Variants in NOX3 observed in about 807,000 individuals in gnomAD.
NOX3 encodes the protein NADPH oxidase 3, also known as NADPH oxidase catalytic subunit-like 3.
Under a neutral mutation model 76.7 loss-of-function variants are expected in NOX3, and 74 were observed. The observed-to-expected ratio is 0.96, with a 90% CI of 0.80 to 1.17. The LOEUF (loss-of-function observed/expected upper bound fraction) is 1.17, where lower values mean the gene tolerates loss of function less well. Ranked by LOEUF, NOX3 falls within the 50% of genes most tolerant of loss-of-function variation. The pLI is 0.00. For missense variants in NOX3, 695 were observed against 703.3 expected, an observed-to-expected ratio of 0.99 and a Z score of 0.13; for synonymous variants, 263 against 261.1, an observed-to-expected ratio of 1.01 and a Z score of -0.07.
At chr6:155,415,690 A>G (rs1042142454) in intron 10 of NOX3, among the ~76,000 whole-genome samples, 2 of 152,238 alleles carry the variant, frequency 1.3e-5, no homozygotes, top group African/African-American at 4.8e-5. Flanking sequence ...AAAGTTATTT[A>G]ACTCCAACCT....
Position 155,443,119 on chromosome 6 carries a change from AC to A in NOX3, c.486+153del, listed in dbSNP as rs527480813. On this transcript the variant is annotated intron_variant, in intron 5 of 13. Coordinates refer to ENST00000159060, the MANE Select transcript of NOX3 (RefSeq NM_015718.3). ...CAGCAACATTAATGAGAAAAAAATA[AC>A]TTTTTAGAAAATGTGAAATTGAAAA... 5.9e-5 allele frequency among the ~76,000 whole-genome samples: 9 copies of A among 152,340 alleles called. No individual in the cohort carries two copies. In the South Asian group the frequency reaches 1.9e-3, roughly 32 times the overall value.
Position 155,422,692 on chromosome 6 carries a change from A to T in NOX3, c.1308+2T>A, listed in dbSNP as rs746135195. ...AAGGGTGAACTAATGATTTTTCCGT[A>T]CCTTGCTCAGCTTCAGTGGGGTCTG... On this transcript the variant is annotated splice_donor_variant, in intron 10 of 13. Transcript: ENST00000159060. LOFTEE classifies it high-confidence loss of function. The T allele has an allele frequency of 1.9e-6, 3 of 1,613,666 alleles. No homozygotes were observed. The East Asian group carries it at 6.7e-5, about 36-fold the overall frequency.
chr6:155,442,021 T>C (rs1218210296), intron 5 of NOX3, among the ~76,000 whole-genome samples: 8 of 152,122 alleles, frequency 5.3e-5, no homozygotes, highest in Non-Finnish European at 1.2e-4. Context: ...TCCCAGCACT[T>C]TGGGAGGCCG....
intron 7 of NOX3, among the ~76,000 whole-genome samples, chr6:155,435,288 T>C (rs896461663): frequency 2.0e-5 from 3 of 152,134 alleles, no homozygotes; most frequent in African/African-American, 7.2e-5. Flanking sequence ...GGGGGAGTAT[T>C]GATTTTTTTA....
chr6:155,417,858 T>G (rs2294678), intron 10 of NOX3, among the ~76,000 whole-genome samples: 16,212 of 152,092 alleles, frequency 0.11, 1,873 homozygotes, highest in East Asian at 0.25. Context: ...TTATTTGAAT[T>G]ATCTGTTTAT....
At chr6:155,428,148 G>T (rs1451933713) in intron 9 of NOX3, among the ~76,000 whole-genome samples, 1 of 152,208 alleles carries the variant, frequency 6.6e-6, no homozygotes, top group Non-Finnish European at 1.5e-5. Context: ...TGATCCGCCC[G>T]CCTTGGCTTC....
intron 3 of NOX3, 41 bp downstream of exon 3, chr6:155,454,770 G>A: frequency 2.6e-6 from 3 of 1,171,776 alleles, no homozygotes; most frequent in Non-Finnish European, 3.7e-6. Context: ...ATATGAGGAA[G>A]TCGTAACAGT....
chr6:155,396,746 A>T, intron 13 of NOX3, 63 bp downstream of exon 13: 1 of 1,358,322 alleles, frequency 7.4e-7, no homozygotes, highest in Non-Finnish European at 1.0e-6. Flanking sequence ...TAAAATGATT[A>T]CTGTTTGGCC....
chr6:155,454,773 G>C (rs555820930), intron 3 of NOX3, 38 bp downstream of exon 3: 1 of 1,202,830 alleles, frequency 8.3e-7, no homozygotes, highest in Admixed American at 2.4e-5. Flanking sequence ...TGAGGAAGTC[G>C]TAACAGTTGA....
intron 6 of NOX3, among the ~76,000 whole-genome samples, chr6:155,438,685 A>G (rs780561348): frequency 4.6e-5 from 7 of 152,202 alleles, no homozygotes; most frequent in African/African-American, 1.4e-4. Context: ...TGGGCCCTAC[A>G]TGGGACCCAG....
At chr6:155,401,357 A>AT (rs2114673923) in intron 12 of NOX3, among the ~76,000 whole-genome samples, 1 of 152,316 alleles carries the variant, frequency 6.6e-6, no homozygotes, top group Non-Finnish European at 1.5e-5. Flanking sequence ...GCTGTAACTT[A>AT]TCATGTGTTG....
At chr6:155,418,701 C>A (rs961581637) in intron 10 of NOX3, among the ~76,000 whole-genome samples, 1 of 151,926 alleles carries the variant, frequency 6.6e-6, no homozygotes, top group East Asian at 1.9e-4. Flanking sequence ...AAGTGGCAGG[C>A]GCCTTATTGG....
chr6:155,422,646 A>G (rs538462092), intron 10 of NOX3, 48 bp downstream of exon 10: 1 of 1,579,762 alleles, frequency 6.3e-7, no homozygotes, highest in South Asian at 1.1e-5. Context: ...ATATAAGGAC[A>G]TTGAACCTTT....
At chr6:155,455,191 T>C in intron 1 of NOX3, 62 bp from the exon 2 acceptor site, 1 of 1,025,774 alleles carries the variant, frequency 9.7e-7, no homozygotes, top group African/African-American at 1.6e-5. Flanking sequence ...CTATTCAAAA[T>C]CACTTGGGGT....
intron 5 of NOX3, among the ~76,000 whole-genome samples, chr6:155,443,026 AGT>A (rs879880652): frequency 2.6e-5 from 4 of 152,018 alleles, no homozygotes; most frequent in African/African-American, 7.3e-5. Context: ...CTGCGTTTCT[AGT>A]GTGTGTGTGT....
chr6:155,437,567 T>A (rs533139985), intron 6 of NOX3, among the ~76,000 whole-genome samples: 4 of 152,264 alleles, frequency 2.6e-5, no homozygotes, highest in East Asian at 1.9e-4. Flanking sequence ...CTTGATAACA[T>A]CCCTCTGAGT....
At chr6:155,419,859 A>G (rs995322328) in intron 10 of NOX3, among the ~76,000 whole-genome samples, 1 of 152,132 alleles carries the variant, frequency 6.6e-6, no homozygotes, top group Non-Finnish European at 1.5e-5. Context: ...AGTAAAAATC[A>G]TTGAAGAATT....
intron 13 of NOX3, among the ~76,000 whole-genome samples, chr6:155,396,369 A>G (rs1430284430): frequency 1.3e-5 from 2 of 152,232 alleles, no homozygotes; most frequent in South Asian, 2.1e-4. Context: ...GAAAATTTGA[A>G]ATGATTTCTA....
At chr6:155,405,165 C>T (rs557296217) in intron 12 of NOX3, among the ~76,000 whole-genome samples, 1 of 152,244 alleles carries the variant, frequency 6.6e-6, no homozygotes, top group South Asian at 2.1e-4. Context: ...AATGCAAGGA[C>T]TGAGGCTTTG....
Sources: gnomAD v4.1 joint callset for allele counts (sites outside exome capture counted in the v4.1 genomes callset) on GRCh38, gnomAD v4.1.1 for gene constraint, MANE v1.5 for transcripts, NCBI Gene and HGNC (gene_info 2026-07-23, HGNC 2026-07-21) for gene names.